The following PLXNB2 variants were observed in gnomAD, a reference collection of about 807,000 sequenced individuals.
PLXNB2 encodes the protein plexin B2, also known as plexin-B2.
A neutral mutation model predicts 202.6 loss-of-function variants in PLXNB2; 85 were observed. That is an observed-to-expected ratio of 0.42 (90% CI 0.35 to 0.50). The LOEUF is 0.50. Among genes scored for constraint, PLXNB2 ranks in the 20% least tolerant of loss-of-function variants. The probability of loss-of-function intolerance (pLI) is 0.02; values close to 1 mark genes in which losing one functional copy is unlikely to be tolerated. For missense variants in PLXNB2, 2,063 were observed against 2,586.2 expected, an observed-to-expected ratio of 0.80 and a Z score of 4.39; for synonymous variants, 1,239 against 1,137.6, an observed-to-expected ratio of 1.09 and a Z score of -1.79.
In PLXNB2 at chr22:50,278,060, G is replaced by T. The variant is rs772854645; in HGVS notation, c.4888-47C>A. On this transcript the variant is annotated intron_variant, in intron 31 of 36. Transcript: ENST00000359337. The stretch of plus-strand genomic sequence containing the variant: ...CGTGACGCCGTGGGCGCGGCTCCTG[G>T]GGGGGAGGGTCTCAGCGTGGCGGCC... 1.5e-5 allele frequency: 24 copies of T among 1,600,316 alleles called. No homozygotes were observed. In the African/African-American group the frequency reaches 2.0e-4, roughly 13 times the overall value.
chr22:50,279,591 T>C, intron 27 of PLXNB2, 39 bp downstream of exon 27: 1 of 1,604,516 alleles, frequency 6.2e-7, no homozygotes, highest in Non-Finnish European at 8.5e-7. Flanking sequence ...TTAGCCCAGA[T>C]CCGAGGCGCC....
intron 33 of PLXNB2, 53 bp from the exon 34 acceptor site, chr22:50,276,959 G>T: frequency 7.4e-7 from 1 of 1,348,908 alleles, no homozygotes. Context: ...GGCTGGGGCT[G>T]CTCAGAGTAC....
At chr22:50,301,480 G>A (rs1000205626) in intron 1 of PLXNB2, 11 of 741,656 alleles carry the variant, frequency 1.5e-5, no homozygotes, top group Non-Finnish European at 1.6e-5. Context: ...GACAGCAGGC[G>A]GCCACGGAGG....
In PLXNB2 at chr22:50,282,064, G is replaced by A. The variant is rs111299959; in HGVS notation, c.3135C>T (p.Tyr1045=). The stretch of plus-strand genomic sequence containing the variant: ...CGACCTTGGTGTCATTGTGGAACAC[G>A]TAGTCTGTACCCACCACCTGCAGGC... ...LQPMTVVGTD[Y]VFHNDTKVVF... Residue 1045 remains tyrosine (Y), a synonymous_variant, in exon 20 of 37, where the codon TAC becomes TAT. Transcript: ENST00000359337. 34 of 1,611,414 alleles carry A rather than the reference G, an allele frequency of 2.1e-5. No homozygotes were observed. The highest frequency in any genetic ancestry group is 3.3e-5 in the South Asian group (3 of 91,070).
chr22:50,283,535 G>T, intron 15 of PLXNB2, 67 bp downstream of exon 15: 1 of 855,484 alleles, frequency 1.2e-6, no homozygotes, highest in Non-Finnish European at 1.7e-6. Context: ...CACCCACCCA[G>T]TCACCCGGAA....
intron 1 of PLXNB2, among the ~76,000 whole-genome samples, chr22:50,295,847 T>C: frequency 6.6e-6 from 1 of 152,116 alleles, no homozygotes; most frequent in African/African-American, 2.4e-5. Context: ...CTCACACCTG[T>C]AATCCCAGCA....
At chr22:50,280,114 T>A in intron 25 of PLXNB2, 43 bp from the exon 26 acceptor site, 1 of 1,491,532 alleles carries the variant, frequency 6.7e-7, no homozygotes, top group Non-Finnish European at 9.1e-7. Flanking sequence ...CCCCGTAGTA[T>A]TCCTGAGGCC....
At chr22:50,283,272 C>T (rs567709029) in intron 16 of PLXNB2, 65 bp downstream of exon 16, 57 of 1,604,070 alleles carry the variant, frequency 3.6e-5, no homozygotes, top group Admixed American at 1.0e-4. Context: ...CGTGGGGAGG[C>T]GGCGGGCAGA....
At position 50,289,017 on chromosome 22, in the gene PLXNB2, G is replaced by A. The variant is rs763371118; in HGVS notation, c.1194C>T (p.Ala398=). The part of the protein sequence containing the change: ...GGLNLTAVTV[A]AENNHTVAFL... ...AAGCAACAGTGTGGTTGTTCTCGGCGGCGACCGTCACGGCCGTGAGGTTCA... is the reference window on the plus strand; with the variant it reads ...AAGCAACAGTGTGGTTGTTCTCGGCAGCGACCGTCACGGCCGTGAGGTTCA... Residue 398 remains alanine (A), a synonymous_variant, in exon 4 of 37, where the codon GCC becomes GCT. Coordinates refer to ENST00000359337, the MANE Select transcript of PLXNB2 (RefSeq NM_012401.4). The surrounding 1 kb of genome is among the most constrained non-coding windows in gnomAD (Gnocchi z 8.0). 12 of 1,610,276 alleles carry A rather than the reference G, an allele frequency of 7.5e-6. No homozygotes were observed. The East Asian group carries it at 1.6e-4, about 21-fold the overall frequency.
At position 50,284,475 on chromosome 22, in the gene PLXNB2, T is replaced by C; in HGVS notation, c.2181+98A>G. 1.1e-6 allele frequency: 1 copy of C among 947,800 alleles called. No individual in the cohort carries two copies. The highest frequency in any genetic ancestry group is 1.6e-6 in the Non-Finnish European group (1 of 612,646). 58.7% of individuals were successfully genotyped at this position (947,800 alleles called of 1,614,324 possible). A position where few individuals can be genotyped will look rare whatever the true frequency, so the allele number is the denominator to read the frequency against. The stretch of plus-strand genomic sequence containing the variant: ...TGGCTGGGCTCTGGTCCCTGGGGTC[T>C]CCCTGCTGCCCCTCCCCTCACAGTC... On this transcript the variant is annotated intron_variant, in intron 12 of 36. Transcript: ENST00000359337. This position sits in a 1 kb window ranked among gnomAD's most constrained non-coding sequence, Gnocchi z 8.0.
At position 50,290,595 on chromosome 22, in the gene PLXNB2, A is replaced by G; in HGVS notation, c.-11T>C. ...GAGCTGCAGTGCCATTGCCCCCCGC[A>G]CCCTGTGGGAAGAGAGAAGGGTCAG... On this transcript the variant is annotated splice_region_variant and 5_prime_UTR_variant, in exon 3 of 37. Transcript: ENST00000359337. 6.3e-7 allele frequency: 1 copy of G among 1,588,570 alleles called. No homozygotes were observed. Among genetic ancestry groups the G allele is most frequent in the Non-Finnish European group, 8.6e-7 (1 of 1,169,422 alleles).
intron 33 of PLXNB2, 122 bp from the exon 34 acceptor site, chr22:50,277,028 C>T (rs1238189205): frequency 1.7e-5 from 12 of 711,324 alleles, no homozygotes; most frequent in South Asian, 1.4e-4. Flanking sequence ...AACTATGGGC[C>T]GGGCGCAGTG....
Position 50,291,128 on chromosome 22 carries a change from C to A in PLXNB2, c.-13-531G>T, listed in dbSNP as rs1246918620. On this transcript the variant is annotated intron_variant, in intron 2 of 36. Transcript: ENST00000359337. The surrounding 1 kb of genome is among the most constrained non-coding windows in gnomAD (Gnocchi z 4.3). Reference sequence around the variant, plus strand: ...AGAGCGAGGGGTGCCCTGTGCATAGCCCAGCAAGTGCACATGCTGTTTACA... The same window carrying A: ...AGAGCGAGGGGTGCCCTGTGCATAGACCAGCAAGTGCACATGCTGTTTACA... Among the ~76,000 whole-genome samples, 2 of 152,172 alleles carry A rather than the reference C, an allele frequency of 1.3e-5. No homozygotes were observed. The highest frequency in any genetic ancestry group is 2.9e-5 in the Non-Finnish European group (2 of 68,018).
At chr22:50,287,300 C>T in intron 7 of PLXNB2, 36 bp from the exon 8 acceptor site, 1 of 1,455,762 alleles carries the variant, frequency 6.9e-7, no homozygotes, top group Non-Finnish European at 9.1e-7. Flanking sequence ...ACTGGGAACC[C>T]CGAGTCCTGT....
Position 50,289,193 on chromosome 22 carries a change from C to T in PLXNB2, c.1069-51G>A, listed in dbSNP as rs969805323. On this transcript the variant is annotated intron_variant, in intron 3 of 36. Coordinates refer to ENST00000359337, the MANE Select transcript of PLXNB2 (RefSeq NM_012401.4). The surrounding 1 kb of genome is among the most constrained non-coding windows in gnomAD (Gnocchi z 8.0). ...AGGCAGACCCCCTGTCCTGAAGGGCCCTCTCCACTCGCGCTCCAAGACTCG... is the reference window on the plus strand; with the variant it reads ...AGGCAGACCCCCTGTCCTGAAGGGCTCTCTCCACTCGCGCTCCAAGACTCG... The T allele has an allele frequency of 4.8e-6, 7 of 1,447,432 alleles. No individual in the cohort carries two copies. The highest frequency in any genetic ancestry group is 6.5e-6 in the Non-Finnish European group (7 of 1,084,558). The allele number at this position is 1,447,432 out of a possible 1,614,324, so 89.7% of individuals were successfully genotyped here.
Position 50,284,913 on chromosome 22 carries a change from C to T in PLXNB2, c.2089-248G>A, listed in dbSNP as rs760352369. 1 of 635,444 alleles carries T rather than the reference C, an allele frequency of 1.6e-6. No individual in the cohort carries two copies. Among genetic ancestry groups the T allele is most frequent in the Non-Finnish European group, 3.0e-6 (1 of 332,756 alleles). 39.4% of individuals were successfully genotyped at this position (635,444 alleles called of 1,614,324 possible). A position where few individuals can be genotyped will look rare whatever the true frequency, so the allele number is the denominator to read the frequency against. On this transcript the variant is annotated intron_variant, in intron 11 of 36. Transcript: ENST00000359337. The surrounding 1 kb of genome is among the most constrained non-coding windows in gnomAD (Gnocchi z 8.0). Reference sequence around the variant, plus strand: ...CGGCCACCTCCACCACTCATCCACACCTGAGAACATCGCCCGGCCCACCTG... The same window carrying T: ...CGGCCACCTCCACCACTCATCCACATCTGAGAACATCGCCCGGCCCACCTG...
At chr22:50,307,309 C>T (rs2067923648) in intron 1 of PLXNB2, among the ~76,000 whole-genome samples, 1 of 151,944 alleles carries the variant, frequency 6.6e-6, no homozygotes, top group Admixed American at 6.5e-5. Flanking sequence ...GAGGGACGCG[C>T]AGCCCCCGCC....
chr22:50,283,514 C>G (rs1319456438), intron 15 of PLXNB2, 69 bp from the exon 16 acceptor site: 113 of 1,558,402 alleles, frequency 7.3e-5, no homozygotes, highest in Non-Finnish European at 9.2e-5. Context: ...CCCTCACCCC[C>G]TCAGCCTCCC....
intron 1 of PLXNB2, chr22:50,301,391 C>T (rs2067671898): frequency 6.4e-6 from 6 of 932,314 alleles, no homozygotes; most frequent in Non-Finnish European, 7.4e-6. Flanking sequence ...GAGGGGTGGG[C>T]ACCGCCAGGC....
Sources: allele counts gnomAD v4.1 joint callset (sites outside exome capture counted in the v4.1 genomes callset), GRCh38; gene constraint gnomAD v4.1.1; non-coding constraint Gnocchi (gnomAD v3.1); transcripts MANE v1.5; gene names NCBI Gene and HGNC (gene_info 2026-07-23, HGNC 2026-07-21).